DNAH14: variants seen among roughly 807,000 people sequenced by gnomAD.
DNAH14 encodes axonemal beta dynein heavy chain 14.
DNAH14 carries 478 observed loss-of-function variants against 520.9 expected under a neutral mutation model. The ratio of observed to expected loss-of-function variants is 0.92; its 90% CI spans 0.85 to 0.99. The LOEUF is 0.99. Among genes scored for constraint, DNAH14 ranks in the 50% least tolerant of loss-of-function variants. The pLI, the probability that DNAH14 is intolerant of heterozygous loss-of-function variation, is 0.00. For missense variants in DNAH14, 4,831 were observed against 5,234.5 expected (o/e 0.92, Z 2.38); for synonymous variants, 1,581 against 1,757.2 (o/e 0.90, Z 2.51).
At position 225,303,327 on chromosome 1, in the gene DNAH14, G is replaced by T. The variant is rs1252395334; in HGVS notation, c.8803G>T (p.Val2935Phe). Residue 2935 changes from valine to phenylalanine, a missense_variant, in exon 57 of 86, where the codon GTC becomes TTC. Val to Phe is a conservative substitution (Grantham distance 50). Transcript: ENST00000682510. The part of the protein sequence containing the change: ...IVANSFLKEK[V>F]NFENRENLKE... ...AGCTAACTCATTCTTAAAAGAAAAG[G>T]TCAATTTTGAGAACAGAGAGGTAAA... The T allele has an allele frequency of 1.9e-6, 3 of 1,545,094 alleles. No individual in the cohort carries two copies. Among genetic ancestry groups the T allele is most frequent in the African/African-American group, 2.8e-5 (2 of 72,578 alleles).
chr1:225,016,113 C>T (rs748302642), intron 10 of DNAH14, among the ~76,000 whole-genome samples: 11 of 152,160 alleles, frequency 7.2e-5, no homozygotes, highest in African/African-American at 1.2e-4. Context: ...AATGTATAGG[C>T]TCTGAAACAG....
intron 17 of DNAH14, among the ~76,000 whole-genome samples, chr1:225,062,034 T>G (rs2070202550): frequency 1.3e-5 from 2 of 152,202 alleles, no homozygotes; most frequent in African/African-American, 2.4e-5. Context: ...CATTGGCTCA[T>G]GCCTCTGTAA....
At position 225,145,397 on chromosome 1, in the gene DNAH14, G is replaced by A. The variant is rs768498695; in HGVS notation, c.4794+18G>A. 1.3e-5 allele frequency: 20 copies of A among 1,521,384 alleles called. No homozygotes were observed. In the South Asian group the frequency reaches 1.8e-4, roughly 14 times the overall value. The allele number at this position is 1,521,384 out of a possible 1,614,324, so 94.2% of individuals were successfully genotyped here. A position where few individuals can be genotyped will look rare whatever the true frequency, so the allele number is the denominator to read the frequency against. On this transcript the variant is annotated intron_variant, in intron 30 of 85. Coordinates refer to ENST00000682510, the MANE Select transcript of DNAH14 (RefSeq NM_001367479.1). ...ATTATAAGGTAAACCTTAAACATAT[G>A]TGTCAGGAAGAAATATTGTACACAT...
At chr1:225,059,951 C>T (rs572968075) in intron 17 of DNAH14, among the ~76,000 whole-genome samples, 400 of 152,106 alleles carry the variant, frequency 2.6e-3, no homozygotes, top group African/African-American at 9.0e-3. Flanking sequence ...TCTCTGGCTG[C>T]CCTTAACATT....
intron 11 of DNAH14, among the ~76,000 whole-genome samples, chr1:225,030,315 T>A (rs564775709): frequency 6.6e-6 from 1 of 152,084 alleles, no homozygotes; most frequent in African/African-American, 2.4e-5. Context: ...TCTACAAATA[T>A]TTTATCCCAG....
chr1:224,998,079 T>C (rs1292647135), intron 8 of DNAH14, among the ~76,000 whole-genome samples: 1 of 152,208 alleles, frequency 6.6e-6, no homozygotes, highest in Admixed American at 6.5e-5. Context: ...ATGTATAGAA[T>C]TATTCATAAT....
intron 7 of DNAH14, among the ~76,000 whole-genome samples, chr1:224,973,595 C>T (rs1277427154): frequency 1.3e-5 from 2 of 152,146 alleles, no homozygotes; most frequent in African/African-American, 4.8e-5. Flanking sequence ...AATTCTTTCT[C>T]ATGTAGGTTC....
intron 5 of DNAH14, 128 bp from the exon 6 acceptor site, chr1:224,967,303 A>G (rs767022839): frequency 1.2e-4 from 63 of 509,490 alleles, no homozygotes; most frequent in Non-Finnish European, 1.8e-4. Context: ...CTCCAAATAT[A>G]GTATTCTTAT....
intron 41 of DNAH14, among the ~76,000 whole-genome samples, chr1:225,214,313 T>A (rs939739951): frequency 6.6e-6 from 1 of 152,240 alleles, no homozygotes; most frequent in African/African-American, 2.4e-5. Context: ...GGTTTGCCAG[T>A]ATTTTATTGA....
At position 225,273,007 on chromosome 1, in the gene DNAH14, T is replaced by C; in HGVS notation, c.7892T>C (p.Met2631Thr). Residue 2631 changes from methionine (M) to threonine (T), a missense_variant, in exon 52 of 86, where the codon ATG (methionine) becomes ACG (threonine). Coordinates refer to ENST00000682510, the MANE Select transcript of DNAH14 (RefSeq NM_001367479.1). ...AGGACTGTTGTTAACTCCAAAGAGA[T>C]GGCTGCTCTGCTCTTTGTTCATGAA... Reference protein sequence around the residue: ...ADRTVVNSKEMAALLFVHEAT... With the variant: ...ADRTVVNSKETAALLFVHEAT... 6.4e-7 allele frequency: 1 copy of C among 1,551,596 alleles called. No homozygotes were observed. The highest frequency in any genetic ancestry group is 8.7e-7 in the Non-Finnish European group (1 of 1,146,934).
At chr1:225,240,461 C>T (rs2091903691) in intron 42 of DNAH14, 132 bp from the exon 43 acceptor site, 1 of 536,492 alleles carries the variant, frequency 1.9e-6, no homozygotes, top group African/African-American at 1.9e-5. Context: ...AACTCTGAAA[C>T]TTTTATGTTA....
At chr1:225,318,778 T>C in intron 61 of DNAH14, 101 bp downstream of exon 61, 11 of 1,085,034 alleles carry the variant, frequency 1.0e-5, no homozygotes, top group Non-Finnish European at 1.2e-5. Context: ...ATACTAAGCC[T>C]ATATTCCATT....
intron 66 of DNAH14, among the ~76,000 whole-genome samples, chr1:225,334,437 A>C (rs2094869209): frequency 6.6e-6 from 1 of 152,084 alleles, no homozygotes; most frequent in Non-Finnish European, 1.5e-5. Context: ...TCAAGGCTGC[A>C]GTGAGCTATG....
chr1:225,125,705 C>T (rs797004525), intron 27 of DNAH14, among the ~76,000 whole-genome samples: 17 of 152,278 alleles, frequency 1.1e-4, no homozygotes, highest in African/African-American at 4.1e-4. Context: ...TGCTTTCTTA[C>T]CATTAGTGTG....
chr1:225,166,729 G>C (rs1334004917), intron 35 of DNAH14, among the ~76,000 whole-genome samples: 1 of 152,178 alleles, frequency 6.6e-6, no homozygotes, highest in African/African-American at 2.4e-5. Flanking sequence ...CAAAGTGTGT[G>C]TCATTATCGC....
At chr1:225,037,331 G>A (rs1410378903) in intron 11 of DNAH14, among the ~76,000 whole-genome samples, 1 of 152,086 alleles carries the variant, frequency 6.6e-6, no homozygotes, top group Non-Finnish European at 1.5e-5. Context: ...TTTAGTGAAG[G>A]TGATTTTCTC....
At chr1:225,334,323 TA>T (rs1430244098) in intron 66 of DNAH14, among the ~76,000 whole-genome samples, 4 of 151,214 alleles carry the variant, frequency 2.6e-5, no homozygotes, top group African/African-American at 7.3e-5. Flanking sequence ...AGACCGTGTC[TA>T]AAAAAAAATT....
rs1242443986 is a variant in DNAH14, at chr1:225,266,662, A to G, written c.7432A>G (p.Met2478Val). 3.3e-6 allele frequency: 5 copies of G among 1,499,970 alleles called. No individual in the cohort carries two copies. The highest frequency in any genetic ancestry group is 1.3e-5 in the South Asian group (1 of 74,864). 92.9% of individuals were successfully genotyped at this position (1,499,970 alleles called of 1,614,324 possible). A position where few individuals can be genotyped will look rare whatever the true frequency, so the allele number is the denominator to read the frequency against. ...NNRILIFIDDMNMPVSDMYGA... is the reference protein window; with the variant it reads ...NNRILIFIDDVNMPVSDMYGA... Reference sequence around the variant, plus strand: ...TAAGATTCTAATATTTATTGATGATATGAATATGCCAGTATCAGATATGTA... The same window carrying G: ...TAAGATTCTAATATTTATTGATGATGTGAATATGCCAGTATCAGATATGTA... The change falls in exon 49 of 86, where the codon ATG (methionine) becomes GTG (valine). Residue 2478 changes from methionine to valine, a missense_variant. Transcript: ENST00000682510.
intron 10 of DNAH14, among the ~76,000 whole-genome samples, chr1:225,016,219 CTT>C (rs1412944253): frequency 6.6e-6 from 1 of 152,152 alleles, no homozygotes; most frequent in Non-Finnish European, 1.5e-5. Context: ...TCAGATTTAA[CTT>C]TTTAAGTTTA....
Sources: gnomAD v4.1 joint callset for allele counts (sites outside exome capture counted in the v4.1 genomes callset) on GRCh38, gnomAD v4.1.1 for gene constraint, MANE v1.5 for transcripts, NCBI Gene and HGNC (gene_info 2026-07-23, HGNC 2026-07-21) for gene names.